Variants in HSPA13 observed in about 807,000 individuals in gnomAD.
HSPA13 encodes heat shock 70 kDa protein 13.
Under a neutral mutation model 38.8 loss-of-function variants are expected in HSPA13, and 29 were observed. The observed-to-expected ratio is 0.75, with a 90% CI of 0.56 to 1.02. The LOEUF (loss-of-function observed/expected upper bound fraction) is 1.02. Ranked by LOEUF, HSPA13 falls within the 50% of genes least tolerant of loss-of-function variation. HSPA13 has a pLI of 0.00. For synonymous variants in HSPA13, 192 were observed against 205.3 expected, an observed-to-expected ratio of 0.94 and a Z score of 0.56; for missense variants, 451 against 560.9, an observed-to-expected ratio of 0.80 and a Z score of 1.98.
rs139438445 is a variant in HSPA13 at position 14,381,272 on chromosome 21, G to A, written c.297C>T (p.Ala99=). ...TAAAAATCTTGCCTATGAATCTTTT[G>A]GCATCATATATTGTGTTTTGAGGAT... ...DSNPQNTIYD[A]KRFIGKIFTA... is the part of the protein sequence containing the mutation. The change falls in exon 2 of 5, where the codon GCC becomes GCT. Residue 99 remains alanine, a synonymous_variant. Coordinates refer to ENST00000285667, the MANE Select transcript of HSPA13 (RefSeq NM_006948.5). 3.9e-4 allele frequency: 625 copies of A among 1,612,924 alleles called. 4 individuals are homozygous for A. The African/African-American group carries it at 7.5e-3, about 19-fold the overall frequency.
rs1391078055 is a variant in HSPA13 at position 14,378,376 on chromosome 21, T to A, written c.403A>T (p.Thr135Ser). 31 of 1,613,920 alleles carry A rather than the reference T, an allele frequency of 1.9e-5. No individual in the cohort carries two copies. Among genetic ancestry groups the A allele is most frequent in the African/African-American group, 2.7e-5 (2 of 74,936 alleles). Residue 135 changes from threonine to serine, a missense_variant, in exon 3 of 5, where the codon ACA (threonine) becomes TCA (serine). Physicochemically the swap from Thr to Ser is moderately conservative, Grantham distance 58. Transcript: ENST00000285667. ...NKNGMVEFSVTSNETITVSPE... is the reference protein window; with the variant it reads ...NKNGMVEFSVSSNETITVSPE... ...GACACTGTGATGGTCTCATTACTTG[T>A]CACAGAAAACTCAACCATTCCATTT... is the stretch of plus-strand genomic sequence containing the variant.
rs1982858854 is a variant in HSPA13 at position 14,372,865 on chromosome 21, T to G, written c.*752A>C. On this transcript the variant is annotated 3_prime_UTR_variant, in exon 5 of 5. Coordinates refer to ENST00000285667, the MANE Select transcript of HSPA13 (RefSeq NM_006948.5). ...TCAAATGCAATTACCAATTTTATTC[T>G]CTAACCAAACAGAATAATGGAAATC... 6.6e-6 allele frequency: 1 copy of G among 152,164 alleles called. No homozygotes were observed. Among genetic ancestry groups the G allele is most frequent in the Non-Finnish European group, 1.5e-5 (1 of 67,994 alleles). 9.4% of individuals were successfully genotyped at this position (152,164 alleles called of 1,614,324 possible).
Position 14,378,375 on chromosome 21 carries a change from G to A in HSPA13, c.404C>T (p.Thr135Ile). ...GGACACTGTGATGGTCTCATTACTT[G>A]TCACAGAAAACTCAACCATTCCATT... ...NKNGMVEFSVTSNETITVSPE... is the reference protein window; with the variant it reads ...NKNGMVEFSVISNETITVSPE... The change falls in exon 3 of 5, where the codon ACA (threonine) becomes ATA (isoleucine). Residue 135 changes from threonine to isoleucine, a missense_variant. Transcript: ENST00000285667. 6.2e-7 allele frequency: 1 copy of A among 1,613,926 alleles called. No individual in the cohort carries two copies. The highest frequency in any genetic ancestry group is 8.5e-7 in the Non-Finnish European group (1 of 1,179,862).
rs765864002 is a variant in HSPA13, at chr21:14,373,776, T to C, written c.1257A>G (p.Gln419=). Residue 419 remains glutamine (Q), a synonymous_variant, in exon 5 of 5, where the codon CAA becomes CAG. Transcript: ENST00000285667. ...TRIPRIRQVI[Q]EFFGKDPNTS... ...TGTTGGGATCTTTTCCAAAGAACTCTTGAATGACTTGACGGATCCGAGGAA... is the reference window on the plus strand; with the variant it reads ...TGTTGGGATCTTTTCCAAAGAACTCCTGAATGACTTGACGGATCCGAGGAA... 7.4e-6 allele frequency: 12 copies of C among 1,614,080 alleles called. No homozygotes were observed. Among genetic ancestry groups the C allele is most frequent in the South Asian group, 4.4e-5 (4 of 91,088 alleles).
chr21:14,375,179 T>A (rs910486981), intron 4 of HSPA13, among the ~76,000 whole-genome samples: 1 of 152,180 alleles, frequency 6.6e-6, no homozygotes, highest in Non-Finnish European at 1.5e-5. Context: ...AATATACTGA[T>A]CACCCTTCAT....
chr21:14,376,138 C>T (rs1433985625), intron 3 of HSPA13, among the ~76,000 whole-genome samples: 1 of 152,174 alleles, frequency 6.6e-6, no homozygotes, highest in Non-Finnish European at 1.5e-5. Context: ...TCATATTCTA[C>T]TTTGGAATAT....
At chr21:14,381,574 T>A (rs1041908595) in intron 1 of HSPA13, 31 bp from the exon 2 acceptor site, 2 of 1,522,930 alleles carry the variant, frequency 1.3e-6, no homozygotes, top group Non-Finnish European at 1.8e-6. Flanking sequence ...AAGATGTATT[T>A]TATCAAACTA....
intron 1 of HSPA13, 121 bp from the exon 2 acceptor site, chr21:14,381,664 A>C (rs1984174065): frequency 4.9e-6 from 4 of 820,970 alleles, no homozygotes; most frequent in African/African-American, 3.4e-5. Flanking sequence ...AAATTTCAAA[A>C]TTTTTTATAG....
Position 14,383,145 on chromosome 21 carries a change from A to C in HSPA13, c.-26T>G. 1 of 1,613,908 alleles carries C rather than the reference A, an allele frequency of 6.2e-7. No individual in the cohort carries two copies. Among genetic ancestry groups the C allele is most frequent in the Non-Finnish European group, 8.5e-7 (1 of 1,179,922 alleles). On this transcript the variant is annotated 5_prime_UTR_variant, in exon 1 of 5. Coordinates refer to ENST00000285667, the MANE Select transcript of HSPA13 (RefSeq NM_006948.5). Reference sequence around the variant, plus strand: ...CACAGTCCCGCCGAACAGGCTTGTGATGACTGTACCAGACGTGAGGCACCG... The same window carrying C: ...CACAGTCCCGCCGAACAGGCTTGTGCTGACTGTACCAGACGTGAGGCACCG...
Position 14,373,547 on chromosome 21 carries a change from G to A in HSPA13, c.*70C>T. The A allele has an allele frequency of 7.6e-7, 1 of 1,316,156 alleles. No homozygotes were observed. Among genetic ancestry groups the A allele is most frequent in the Non-Finnish European group, 1.0e-6 (1 of 963,722 alleles). 81.5% of individuals were successfully genotyped at this position (1,316,156 alleles called of 1,614,324 possible). A position where few individuals can be genotyped will look rare whatever the true frequency, so the allele number is the denominator to read the frequency against. ...GATATTTTAGAGACTTTCTTTTGTG[G>A]AAAAGGTAATCTGATAAATGGGAAG... On this transcript the variant is annotated 3_prime_UTR_variant, in exon 5 of 5. Transcript: ENST00000285667.
Position 14,381,560 on chromosome 21 carries a change from T to G in HSPA13, c.26-17A>C. 6.4e-7 allele frequency: 1 copy of G among 1,566,112 alleles called. No homozygotes were observed. The highest frequency in any genetic ancestry group is 8.7e-7 in the Non-Finnish European group (1 of 1,149,392). On this transcript the variant is annotated splice_polypyrimidine_tract_variant and intron_variant, in intron 1 of 4. Transcript: ENST00000285667. ...CAGCCGATCCTGAAATAAAGGAAAATTAAAAGATGTATTTTATCAAACTAG... is the reference window on the plus strand; with the variant it reads ...CAGCCGATCCTGAAATAAAGGAAAAGTAAAAGATGTATTTTATCAAACTAG...
Position 14,378,339 on chromosome 21 carries a change from A to G in HSPA13, c.440T>C (p.Val147Ala). ...NETITVSPEY[V>A]GSRLLLKLKE... is the part of the protein sequence containing the mutation. Reference sequence around the variant, plus strand: ...TAACTTCAACAATAGTCGAGAGCCAACATATTCTGGGGACACTGTGATGGT... The same window carrying G: ...TAACTTCAACAATAGTCGAGAGCCAGCATATTCTGGGGACACTGTGATGGT... The change falls in exon 3 of 5, where the codon GTT (valine) becomes GCT (alanine). Residue 147 changes from valine (V) to alanine (A), a missense_variant. Physicochemically the swap from Val to Ala is moderately conservative, Grantham distance 64. Coordinates refer to ENST00000285667, the MANE Select transcript of HSPA13 (RefSeq NM_006948.5). 6.2e-7 allele frequency: 1 copy of G among 1,614,132 alleles called. No homozygotes were observed. The highest frequency in any genetic ancestry group is 8.5e-7 in the Non-Finnish European group (1 of 1,179,968).
intron 4 of HSPA13, among the ~76,000 whole-genome samples, chr21:14,375,061 A>G (rs937910402): frequency 2.6e-5 from 4 of 152,360 alleles, no homozygotes; most frequent in Non-Finnish European, 5.9e-5. Flanking sequence ...AATTCGACAA[A>G]ATAAAAACGT....
At chr21:14,380,259 A>G (rs1293694009) in intron 2 of HSPA13, among the ~76,000 whole-genome samples, 2 of 151,832 alleles carry the variant, frequency 1.3e-5, no homozygotes, top group East Asian at 3.9e-4. Context: ...TTTGACATCC[A>G]GCTCAAAAAC....
intron 1 of HSPA13, 52 bp from the exon 2 acceptor site, chr21:14,381,595 C>T (rs747600939): frequency 3.3e-5 from 47 of 1,406,472 alleles, no homozygotes; most frequent in Non-Finnish European, 4.3e-5. Context: ...GTACAATGTA[C>T]TAAATTACTG....
At chr21:14,375,924 T>C (rs1238579875) in intron 3 of HSPA13, 105 bp from the exon 4 acceptor site, 28 of 786,746 alleles carry the variant, frequency 3.6e-5, no homozygotes, top group Non-Finnish European at 5.4e-5. Flanking sequence ...ACTCCACCAC[T>C]GAGTAATAAT....
chr21:14,377,724 T>C (rs890661105), intron 3 of HSPA13, among the ~76,000 whole-genome samples: 7 of 152,216 alleles, frequency 4.6e-5, no homozygotes, highest in African/African-American at 1.7e-4. Context: ...GGCAGAAGAA[T>C]GTCGGAGGAT....
In HSPA13 at chr21:14,381,441, C is replaced by A; in HGVS notation, c.128G>T (p.Cys43Phe). ...GCCAGGAAAAAACACCCCAACAGAA[C>A]AATAGGTGGTGCCAAGATCAATACC... ...VIGIDLGTTY[C>F]SVGVFFPGTG... The change falls in exon 2 of 5, where the codon TGT becomes TTT. Residue 43 changes from cysteine to phenylalanine, a missense_variant. Transcript: ENST00000285667. 1 of 1,614,128 alleles carries A rather than the reference C, an allele frequency of 6.2e-7. No individual in the cohort carries two copies. Among genetic ancestry groups the A allele is most frequent in the East Asian group, 2.2e-5 (1 of 44,882 alleles).
At chr21:14,378,692 TCAC>T (rs1356793019) in intron 2 of HSPA13, among the ~76,000 whole-genome samples, 1 of 151,840 alleles carries the variant, frequency 6.6e-6, no homozygotes, top group Non-Finnish European at 1.5e-5. Flanking sequence ...TGATCTCGGC[TCAC>T]CACAACCTCC....
Sources: allele counts gnomAD v4.1 joint callset (sites outside exome capture counted in the v4.1 genomes callset), GRCh38; gene constraint gnomAD v4.1.1; transcripts MANE v1.5; gene names NCBI Gene and HGNC (gene_info 2026-07-23, HGNC 2026-07-21).